CSMD3: variants seen among roughly 807,000 people sequenced by gnomAD.
The protein encoded by CSMD3 is CUB and Sushi multiple domains 3, also known as CUB and sushi domain-containing protein 3.
Under a neutral mutation model 435.2 loss-of-function variants are expected in CSMD3, and 177 were observed. The ratio of observed to expected loss-of-function variants is 0.41; its 90% CI spans 0.36 to 0.46. The LOEUF (loss-of-function observed/expected upper bound fraction) is 0.46, where lower values mean the gene tolerates loss of function less well. Ranked by LOEUF, CSMD3 falls within the 20% of genes least tolerant of loss-of-function variation. The probability of loss-of-function intolerance (pLI) is 0.34; values close to 1 mark genes in which losing one functional copy is unlikely to be tolerated. For missense variants in CSMD3, 4,265 were observed against 4,504.6 expected, an observed-to-expected ratio of 0.95 and a Z score of 1.52; for synonymous variants, 1,656 against 1,520.5, an observed-to-expected ratio of 1.09 and a Z score of -2.07.
chr8:112,818,207 C>A (rs984398983), intron 12 of CSMD3, among the ~76,000 whole-genome samples: 1 of 151,596 alleles, frequency 6.6e-6, no homozygotes, highest in Admixed American at 6.6e-5. Context: ...AATACTTTGA[C>A]GGAATTAGAA....
chr8:112,761,943 C>G (rs1302386573), intron 13 of CSMD3, among the ~76,000 whole-genome samples: 2 of 152,000 alleles, frequency 1.3e-5, no homozygotes, highest in East Asian at 1.9e-4. Flanking sequence ...TTCACAAAGA[C>G]AGCTACGTGG....
chr8:113,347,833 G>A, intron 1 of CSMD3, among the ~76,000 whole-genome samples: 1 of 152,090 alleles, frequency 6.6e-6, no homozygotes, highest in Non-Finnish European at 1.5e-5. Context: ...TGATGAAAAT[G>A]AAGAGAAATG....
chr8:112,537,649 C>T (rs1826249681), intron 27 of CSMD3, among the ~76,000 whole-genome samples: 1 of 151,412 alleles, frequency 6.6e-6, no homozygotes, highest in Non-Finnish European at 1.5e-5. Context: ...AATTTCTAGA[C>T]ACATAAATCT....
intron 38 of CSMD3, among the ~76,000 whole-genome samples, chr8:112,355,650 G>A (rs889482870): frequency 3.3e-5 from 5 of 151,946 alleles, no homozygotes; most frequent in Admixed American, 1.3e-4. Flanking sequence ...TGGCTAACAC[G>A]GTGAAACCCC....
At chr8:112,750,838 C>A (rs970873152) in intron 13 of CSMD3, among the ~76,000 whole-genome samples, 8 of 152,040 alleles carry the variant, frequency 5.3e-5, no homozygotes, top group African/African-American at 1.4e-4. Flanking sequence ...TTGAACAGCA[C>A]AGATTTGAAC....
intron 5 of CSMD3, among the ~76,000 whole-genome samples, chr8:113,077,713 A>G (rs896518308): frequency 1.3e-5 from 2 of 152,176 alleles, no homozygotes; most frequent in African/African-American, 2.4e-5. Flanking sequence ...CAAAACAAAA[A>G]CAAAAACAAA....
chr8:113,190,892 T>G (rs1279344806), intron 3 of CSMD3, among the ~76,000 whole-genome samples: 2 of 151,838 alleles, frequency 1.3e-5, no homozygotes. Flanking sequence ...TATTTCATAT[T>G]GAGTGTAACC....
At chr8:112,281,485 C>T (rs1818636382) in intron 58 of CSMD3, 135 bp from the exon 59 acceptor site, 8 of 686,190 alleles carry the variant, frequency 1.2e-5, no homozygotes, top group Admixed American at 2.5e-5. Context: ...AGTAAAGTAT[C>T]TAGGTAGTTG....
chr8:113,042,434 C>G (rs958459808), intron 5 of CSMD3, among the ~76,000 whole-genome samples: 1 of 152,036 alleles, frequency 6.6e-6, no homozygotes, highest in East Asian at 1.9e-4. Context: ...CTTTACAGTA[C>G]CTGCACATTT....
At chr8:112,591,736 G>A (rs186740116) in intron 22 of CSMD3, among the ~76,000 whole-genome samples, 1 of 151,876 alleles carries the variant, frequency 6.6e-6, no homozygotes, top group Non-Finnish European at 1.5e-5. Context: ...ATTATTACCA[G>A]AAGAAAAATA....
chr8:112,245,533 T>C (rs1187740346), intron 64 of CSMD3, among the ~76,000 whole-genome samples: 1 of 152,160 alleles, frequency 6.6e-6, no homozygotes, highest in Non-Finnish European at 1.5e-5. Context: ...AATGGTTTTT[T>C]GTTTTTGATT....
At chr8:113,257,446 C>A (rs1015972476) in intron 3 of CSMD3, among the ~76,000 whole-genome samples, 1 of 151,916 alleles carries the variant, frequency 6.6e-6, no homozygotes, top group Non-Finnish European at 1.5e-5. Flanking sequence ...ACAAAACTGC[C>A]GGAGCTTCTG....
intron 2 of CSMD3, among the ~76,000 whole-genome samples, chr8:113,296,203 G>A (rs189127506): frequency 0.029 from 4,475 of 151,748 alleles, 85 homozygotes; most frequent in Admixed American, 0.04. Context: ...TGTAAATGAC[G>A]AGTTAATGGG....
intron 1 of CSMD3, among the ~76,000 whole-genome samples, chr8:113,375,682 G>A (rs1226146551): frequency 6.6e-6 from 1 of 152,116 alleles, no homozygotes; most frequent in East Asian, 1.9e-4. Flanking sequence ...AATTGCTGAA[G>A]AGTCAGCAAT....
chr8:112,247,759 CT>C (rs1402454253), intron 63 of CSMD3, among the ~76,000 whole-genome samples: 2 of 152,060 alleles, frequency 1.3e-5, no homozygotes, highest in East Asian at 1.9e-4. Flanking sequence ...AATGTCAGTT[CT>C]GAGGCCTTAC....
intron 13 of CSMD3, among the ~76,000 whole-genome samples, chr8:112,691,779 ATTGTTTTTTTGTTTGT>A (rs1279154342): frequency 6.6e-6 from 1 of 151,690 alleles, no homozygotes; most frequent in African/African-American, 2.4e-5. Context: ...CTGTTGATAA[ATTGTTTTTTTGTTTGT>A]TTGTTTTTTT....
chr8:112,794,960 G>T (rs1022900121), intron 13 of CSMD3, among the ~76,000 whole-genome samples: 1 of 152,022 alleles, frequency 6.6e-6, no homozygotes, highest in Non-Finnish European at 1.5e-5. Context: ...TTGAAGAAGA[G>T]ATCTGAAGAG....
chr8:112,545,508 A>AAT (rs1827108593), intron 27 of CSMD3, among the ~76,000 whole-genome samples: 1 of 72,328 alleles, frequency 1.4e-5, no homozygotes, highest in Non-Finnish European at 2.8e-5. Flanking sequence ...AAAAAATAAT[A>AAT]ATAATAATAA....
In CSMD3 at chr8:113,399,125, T is replaced by C. The variant is rs955353004; in HGVS notation, c.178+37552A>G. Among the ~76,000 whole-genome samples, 28 of 116,444 alleles carry C rather than the reference T, an allele frequency of 2.4e-4. No individual in the cohort carries two copies. In the East Asian group the frequency reaches 6.7e-3, roughly 28 times the overall value. 76.4% of individuals were successfully genotyped at this position (116,444 alleles called of 152,430 possible). On this transcript the variant is annotated intron_variant, in intron 1 of 70. Coordinates refer to ENST00000297405, the MANE Select transcript of CSMD3 (RefSeq NM_198123.2). ...TATATATACACACACACACACACAC[T>C]ATATATGTGTGTGTATATATACAGT...
Sources: allele counts gnomAD v4.1 joint callset (sites outside exome capture counted in the v4.1 genomes callset), GRCh38; gene constraint gnomAD v4.1.1; transcripts MANE v1.5; gene names NCBI Gene and HGNC (gene_info 2026-07-23, HGNC 2026-07-21).